The following DCLK3 variants were observed in gnomAD, a reference collection of about 807,000 sequenced individuals.
The protein encoded by DCLK3 is doublecortin like kinase 3, also known as serine/threonine-protein kinase DCLK3.
DCLK3 carries 30 observed loss-of-function variants against 46.4 expected under a neutral mutation model. The observed-to-expected ratio is 0.65, with a 90% CI of 0.48 to 0.88. The LOEUF (loss-of-function observed/expected upper bound fraction) is 0.88, where lower values mean the gene tolerates loss of function less well. Among genes scored for constraint, DCLK3 ranks in the 40% least tolerant of loss-of-function variants. The pLI is 0.00. For synonymous variants in DCLK3, 401 were observed against 339.2 expected (o/e 1.18, Z -2.00); for missense variants, 846 against 907.1 (o/e 0.93, Z 0.87).
At chr3:36,732,853 C>A (rs1701214965) in intron 2 of DCLK3, among the ~76,000 whole-genome samples, 1 of 152,122 alleles carries the variant, frequency 6.6e-6, no homozygotes, top group Non-Finnish European at 1.5e-5. Context: ...ATTGCAGAAC[C>A]AGTGACTACC....
chr3:36,743,024 G>A (rs1701359077), intron 1 of DCLK3, among the ~76,000 whole-genome samples: 1 of 151,948 alleles, frequency 6.6e-6, no homozygotes, highest in African/African-American at 2.4e-5. Flanking sequence ...TCAGTAAAAT[G>A]GAACCATATG....
At chr3:36,730,905 C>T (rs993710384) in intron 2 of DCLK3, among the ~76,000 whole-genome samples, 17 of 151,582 alleles carry the variant, frequency 1.1e-4, no homozygotes, top group African/African-American at 3.9e-4. Flanking sequence ...ATGTGAAGGC[C>T]GAGGGGCATG....
intron 1 of DCLK3, among the ~76,000 whole-genome samples, chr3:36,747,195 A>C (rs140622976): frequency 1.2e-3 from 175 of 152,170 alleles, no homozygotes; most frequent in African/African-American, 4.0e-3. Context: ...GAGGGGAAAA[A>C]CCTTTTTTCC....
In DCLK3 at chr3:36,738,760, G is replaced by T; in HGVS notation, c.407C>A (p.Pro136His). The stretch of plus-strand genomic sequence containing the variant: ...CCTCACACGGTCATTCTTCCATCTG[G>T]GAGAGCCCAAGGCTTCTGAGATGTC... The part of the protein sequence containing the change: ...LADISEALGS[P>H]RWKNDRVRKL... Residue 136 changes from proline (P) to histidine (H), a missense_variant, in exon 2 of 5, where the codon CCC becomes CAC. By Grantham distance (77) the Pro-to-His change is moderately conservative. Transcript: ENST00000636136. 7.8e-7 allele frequency: 1 copy of T among 1,289,336 alleles called. No individual in the cohort carries two copies. 79.9% of individuals were successfully genotyped at this position (1,289,336 alleles called of 1,614,324 possible). A position where few individuals can be genotyped will look rare whatever the true frequency, so the allele number is the denominator to read the frequency against.
intron 3 of DCLK3, among the ~76,000 whole-genome samples, chr3:36,720,839 C>T (rs1183560612): frequency 1.3e-5 from 2 of 152,116 alleles, no homozygotes; most frequent in Non-Finnish European, 2.9e-5. Context: ...GATGCTTCTG[C>T]TGCTGGGAAA....
At chr3:36,760,804 C>T (rs941327674) in intron 1 of DCLK3, among the ~76,000 whole-genome samples, 8 of 152,164 alleles carry the variant, frequency 5.3e-5, no homozygotes, top group African/African-American at 7.2e-5. Context: ...AGAATCCATT[C>T]AGCTAAAAGG....
chr3:36,730,724 C>T (rs1267596806), intron 2 of DCLK3, among the ~76,000 whole-genome samples: 1 of 151,864 alleles, frequency 6.6e-6, no homozygotes, highest in African/African-American at 2.4e-5. Flanking sequence ...AAATCTGTAT[C>T]TCCATCATCA....
At chr3:36,754,494 T>G (rs1701469628) in intron 1 of DCLK3, among the ~76,000 whole-genome samples, 1 of 152,212 alleles carries the variant, frequency 6.6e-6, no homozygotes, top group Non-Finnish European at 1.5e-5. Context: ...TGACATCATC[T>G]TTTCTTATCC....
chr3:36,743,693 A>T (rs1701368917), intron 1 of DCLK3, among the ~76,000 whole-genome samples: 1 of 152,180 alleles, frequency 6.6e-6, no homozygotes. Context: ...ATGCCAATCT[A>T]ACCCCACATA....
chr3:36,713,767 A>G lies in DCLK3; in HGVS notation c.*1561T>C, dbSNP rs1700940575. 6.6e-6 allele frequency: 1 copy of G among 152,352 alleles called. No individual in the cohort carries two copies. The highest frequency in any genetic ancestry group is 2.4e-5 in the African/African-American group (1 of 41,440). The allele number at this position is 152,352 out of a possible 1,614,324, so 9.4% of individuals were successfully genotyped here. A position where few individuals can be genotyped will look rare whatever the true frequency, so the allele number is the denominator to read the frequency against. ...GTGGGCTATGATGCAGTCTCAACCA[A>G]CAGTTCAGCCAACCCCCATGGGCAG... is the stretch of plus-strand genomic sequence containing the variant. On this transcript the variant is annotated 3_prime_UTR_variant, in exon 5 of 5. Transcript: ENST00000636136.
chr3:36,760,583 A>G (rs922449804), intron 1 of DCLK3, among the ~76,000 whole-genome samples: 3 of 152,132 alleles, frequency 2.0e-5, no homozygotes, highest in Admixed American at 6.5e-5. Context: ...ATATGTAACT[A>G]ACCTGCATGT....
intron 1 of DCLK3, among the ~76,000 whole-genome samples, chr3:36,761,685 G>T (rs368800794): frequency 6.6e-6 from 1 of 152,104 alleles, no homozygotes; most frequent in Non-Finnish European, 1.5e-5. Flanking sequence ...AAAGGAAAAC[G>T]TCTTCAAGCA....
At chr3:36,724,597 A>G (rs1446016279) in intron 2 of DCLK3, among the ~76,000 whole-genome samples, 1 of 152,088 alleles carries the variant, frequency 6.6e-6, no homozygotes, top group Non-Finnish European at 1.5e-5. Flanking sequence ...CAGTCTCACG[A>G]GATCTGACAG....
chr3:36,756,182 C>T (rs958358582), intron 1 of DCLK3, among the ~76,000 whole-genome samples: 1 of 152,192 alleles, frequency 6.6e-6, no homozygotes, highest in East Asian at 1.9e-4. Flanking sequence ...CTATGGCCAA[C>T]CTGGGCTCAG....
intron 1 of DCLK3, among the ~76,000 whole-genome samples, chr3:36,744,363 A>G (rs533498466): frequency 6.6e-6 from 1 of 152,356 alleles, no homozygotes; most frequent in African/African-American, 2.4e-5. Context: ...ACAAACATCC[A>G]TCTGCGACAG....
At chr3:36,757,035 T>C (rs1371675592) in intron 1 of DCLK3, among the ~76,000 whole-genome samples, 1 of 152,060 alleles carries the variant, frequency 6.6e-6, no homozygotes, top group East Asian at 1.9e-4. Context: ...CTTCTGGCAA[T>C]CTGCTCATGT....
At position 36,713,122 on chromosome 3, in the gene DCLK3, A is replaced by G. The variant is rs1559384550; in HGVS notation, c.*2206T>C. 2.6e-5 allele frequency: 4 copies of G among 152,148 alleles called. No individual in the cohort carries two copies. The highest frequency in any genetic ancestry group is 4.4e-5 in the Non-Finnish European group (3 of 68,028). The allele number at this position is 152,148 out of a possible 1,614,324, so 9.4% of individuals were successfully genotyped here. On this transcript the variant is annotated 3_prime_UTR_variant, in exon 5 of 5. Coordinates refer to ENST00000636136, the MANE Select transcript of DCLK3 (RefSeq NM_001394672.2). ...GTCAGTCTTCTCATTTTAGCCATTT[A>G]ATTTTAGCTATTCTAATGGGTGTAT...
At chr3:36,759,581 T>C (rs1234486568) in intron 1 of DCLK3, among the ~76,000 whole-genome samples, 1 of 152,188 alleles carries the variant, frequency 6.6e-6, no homozygotes, top group Non-Finnish European at 1.5e-5. Flanking sequence ...TCCTGACTAA[T>C]ACACTTCATG....
chr3:36,750,901 G>A (rs1267361144), intron 1 of DCLK3, among the ~76,000 whole-genome samples: 5 of 152,088 alleles, frequency 3.3e-5, no homozygotes, highest in South Asian at 2.1e-4. Context: ...ACTCAGAGGC[G>A]TCAACAGGCA....
Sources: gnomAD v4.1 joint callset for allele counts (sites outside exome capture counted in the v4.1 genomes callset) on GRCh38, gnomAD v4.1.1 for gene constraint, MANE v1.5 for transcripts, NCBI Gene and HGNC (gene_info 2026-07-23, HGNC 2026-07-21) for gene names.